Variants in HECTD2 observed in about 807,000 individuals in gnomAD.
HECTD2 encodes the protein probable E3 ubiquitin-protein ligase HECTD2.
A neutral mutation model predicts 103.2 loss-of-function variants in HECTD2; 35 were observed. The observed-to-expected ratio is 0.34, with a 90% CI of 0.26 to 0.45. The LOEUF is 0.45. Ranked by LOEUF, HECTD2 falls within the 20% of genes least tolerant of loss-of-function variation. The probability of loss-of-function intolerance (pLI) is 1.00; values close to 1 mark genes in which losing one functional copy is unlikely to be tolerated. For synonymous variants in HECTD2, 281 were observed against 329.9 expected (o/e 0.85, Z 1.61); for missense variants, 596 against 937.4 (o/e 0.64, Z 4.76).
Position 91,506,248 on chromosome 10 carries a change from G to C in HECTD2, c.2210+4914G>C, listed in dbSNP as rs535820015. ...CAAGAGCAAACACATTCAAAAGCTA[G>C]CAGAAGGCAAGAAATAACTAAAATC... is the stretch of plus-strand genomic sequence containing the variant. On this transcript the variant is annotated intron_variant, in intron 20 of 20. Coordinates refer to ENST00000298068, the MANE Select transcript of HECTD2 (RefSeq NM_182765.6). Among the ~76,000 whole-genome samples the C allele has an allele frequency of 9.9e-5, 15 of 151,594 alleles. No individual in the cohort carries two copies. In the South Asian group the frequency reaches 3.1e-3, roughly 32 times the overall value.
intron 2 of HECTD2, among the ~76,000 whole-genome samples, chr10:91,455,804 T>C (rs1335302237): frequency 6.6e-6 from 1 of 152,178 alleles, no homozygotes; most frequent in South Asian, 2.1e-4. Context: ...TAGCCAGTTT[T>C]CCCAGCACCA....
chr10:91,475,785 AC>A (rs1845879323), intron 5 of HECTD2, among the ~76,000 whole-genome samples: 1 of 152,216 alleles, frequency 6.6e-6, no homozygotes, highest in Non-Finnish European at 1.5e-5. Context: ...AGTAAGTGAG[AC>A]CATAAGGACA....
intron 2 of HECTD2, among the ~76,000 whole-genome samples, chr10:91,427,550 G>C (rs1439201894): frequency 6.6e-6 from 1 of 152,104 alleles, no homozygotes; most frequent in Non-Finnish European, 1.5e-5. Context: ...ATTCTAACTG[G>C]TGTGAGATGG....
At chr10:91,481,425 AG>A (rs927090077) in intron 7 of HECTD2, among the ~76,000 whole-genome samples, 54 of 151,942 alleles carry the variant, frequency 3.6e-4, no homozygotes, top group African/African-American at 1.2e-3. Context: ...TTCCTGCCAG[AG>A]TATTCAGGAA....
chr10:91,472,113 A>G (rs895432752), intron 5 of HECTD2, among the ~76,000 whole-genome samples: 2 of 152,222 alleles, frequency 1.3e-5, no homozygotes, highest in African/African-American at 4.8e-5. Context: ...AGAAACAGAC[A>G]CATAGACCAA....
At chr10:91,433,179 G>C (rs1372965345) in intron 2 of HECTD2, among the ~76,000 whole-genome samples, 1 of 151,834 alleles carries the variant, frequency 6.6e-6, no homozygotes, top group East Asian at 1.9e-4. Context: ...ACTTGGATTT[G>C]ACTTTTCTTA....
chr10:91,410,071 ACT>A (rs1276753950), upstream of HECTD2, among the ~76,000 whole-genome samples: 2 of 151,788 alleles, frequency 1.3e-5, no homozygotes, highest in East Asian at 1.9e-4. Context: ...CTCGGGCGAC[ACT>A]CTGCAAACAA....
chr10:91,485,699 A>T (rs1846241741), intron 10 of HECTD2: 1 of 157,730 alleles, frequency 6.3e-6, no homozygotes, highest in Admixed American at 6.5e-5. Flanking sequence ...CTTAGACAGG[A>T]TGTAAATGAA....
intron 5 of HECTD2, among the ~76,000 whole-genome samples, chr10:91,465,113 G>T (rs948124017): frequency 2.0e-5 from 3 of 152,118 alleles, no homozygotes; most frequent in Non-Finnish European, 4.4e-5. Context: ...CCCCTCAGGG[G>T]TATAGACAAA....
chr10:91,499,894 T>TG (rs1225836674), intron 18 of HECTD2, among the ~76,000 whole-genome samples: 3 of 152,182 alleles, frequency 2.0e-5, no homozygotes, highest in African/African-American at 4.8e-5. Context: ...GAGAAACCTT[T>TG]GTAATATGTT....
chr10:91,500,802 G>T (rs932354971), intron 19 of HECTD2, among the ~76,000 whole-genome samples, 185 bp downstream of exon 19: 2 of 151,876 alleles, frequency 1.3e-5, no homozygotes, highest in Non-Finnish European at 2.9e-5. Context: ...ACTCCCTTTG[G>T]GAGAAAATTC....
intron 1 of HECTD2, among the ~76,000 whole-genome samples, chr10:91,417,492 G>C (rs1843175448): frequency 6.6e-6 from 1 of 151,868 alleles, no homozygotes; most frequent in African/African-American, 2.4e-5. Context: ...TTTAATATTA[G>C]GTATACCTCC....
intron 2 of HECTD2, among the ~76,000 whole-genome samples, chr10:91,429,428 C>G (rs11522500): frequency 0.14 from 21,550 of 151,158 alleles, 1,893 homozygotes; most frequent in Admixed American, 0.21. Flanking sequence ...TTTTTCTATT[C>G]ATTGGAATAG....
intron 1 of HECTD2, among the ~76,000 whole-genome samples, chr10:91,420,620 C>G (rs887221801): frequency 2.0e-5 from 3 of 151,614 alleles, no homozygotes; most frequent in African/African-American, 7.3e-5. Context: ...AAAAGAAAAT[C>G]AGTCTACTAT....
intron 2 of HECTD2, among the ~76,000 whole-genome samples, chr10:91,445,324 C>T (rs1844553884): frequency 6.6e-6 from 1 of 152,138 alleles, no homozygotes; most frequent in Admixed American, 6.5e-5. Context: ...ACCTGGGCTT[C>T]CCTTCCTTAT....
intron 2 of HECTD2, among the ~76,000 whole-genome samples, chr10:91,428,077 T>A (rs1490875337): frequency 2.6e-5 from 4 of 151,500 alleles, no homozygotes; most frequent in African/African-American, 7.3e-5. Context: ...AGGGATCCAG[T>A]TTCAGCTTTC....
chr10:91,482,390 G>A (rs542857987), intron 7 of HECTD2, among the ~76,000 whole-genome samples: 6 of 151,888 alleles, frequency 4.0e-5, no homozygotes, highest in East Asian at 1.9e-4. Context: ...TTCCTTCAGC[G>A]TCCCTTTATC....
intron 2 of HECTD2, among the ~76,000 whole-genome samples, chr10:91,431,230 A>G (rs1843852033): frequency 1.3e-5 from 2 of 151,734 alleles, no homozygotes; most frequent in South Asian, 4.1e-4. Context: ...TGGCTTGTAG[A>G]GTTTCTGCCG....
chr10:91,495,082 CATT>C (rs1276147251), intron 14 of HECTD2, among the ~76,000 whole-genome samples: 3 of 152,002 alleles, frequency 2.0e-5, no homozygotes, highest in South Asian at 2.1e-4. Flanking sequence ...TTGCTACTCT[CATT>C]ATTATGTGTG....
Sources: gnomAD v4.1 joint callset for allele counts (sites outside exome capture counted in the v4.1 genomes callset) on GRCh38, gnomAD v4.1.1 for gene constraint, MANE v1.5 for transcripts, NCBI Gene and HGNC (gene_info 2026-07-23, HGNC 2026-07-21) for gene names.